JADE1: variants seen among roughly 807,000 people sequenced by gnomAD.
The protein encoded by JADE1 is jade family PHD finger 1.
In JADE1, 14 loss-of-function variants were observed where a neutral mutation model predicts 81.8. The observed-to-expected ratio is 0.17, with a 90% CI of 0.11 to 0.27. The LOEUF (loss-of-function observed/expected upper bound fraction) is 0.27. JADE1 is among the 10% of genes least tolerant of loss of function. The pLI is 1.00. For synonymous variants in JADE1, 353 were observed against 391.9 expected, an observed-to-expected ratio of 0.90 and a Z score of 1.17; for missense variants, 690 against 1,047.9, an observed-to-expected ratio of 0.66 and a Z score of 4.71.
chr4:128,824,290 G>A (rs960815378), intron 1 of JADE1, among the ~76,000 whole-genome samples: 1 of 151,986 alleles, frequency 6.6e-6, no homozygotes, highest in Non-Finnish European at 1.5e-5. Flanking sequence ...TATTAGCTGG[G>A]CGTGTTGGCA....
chr4:128,825,156 T>A (rs1579116563), intron 1 of JADE1, among the ~76,000 whole-genome samples: 1 of 152,080 alleles, frequency 6.6e-6, no homozygotes, highest in Admixed American at 6.6e-5. Flanking sequence ...TCTCCTGCCT[T>A]AGCCTCTCAA....
chr4:128,867,906 T>C lies in JADE1; in HGVS notation c.1554T>C (p.Ser518=), dbSNP rs747339347. 9.3e-6 allele frequency: 15 copies of C among 1,613,894 alleles called. No homozygotes were observed. Among genetic ancestry groups the C allele is most frequent in the Non-Finnish European group, 1.2e-5 (14 of 1,179,906 alleles). Residue 518 remains serine (S), a synonymous_variant, in exon 10 of 11, where the codon TCT becomes TCC. Coordinates refer to ENST00000226319, the MANE Select transcript of JADE1 (RefSeq NM_199320.4). Reference sequence around the variant, plus strand: ...CCCGCAGGGAAAAGATTAAACGGTCTGTGTGCAAAGTCCAGGAACAGATAT... The same window carrying C: ...CCCGCAGGGAAAAGATTAAACGGTCCGTGTGCAAAGTCCAGGAACAGATAT... ...MVTRREKIKR[S]VCKVQEQIFN...
intron 2 of JADE1, among the ~76,000 whole-genome samples, chr4:128,834,888 G>A (rs1728858026): frequency 6.6e-6 from 1 of 151,926 alleles, no homozygotes; most frequent in African/African-American, 2.4e-5. Context: ...GCTCATGACT[G>A]TAATCCTGAC....
Position 128,843,030 on chromosome 4 carries a change from C to G in JADE1, c.130C>G (p.Pro44Ala). Reference protein sequence around the residue: ...SSCSRHEDRKPSEVFRTDLIT... With the variant: ...SSCSRHEDRKASEVFRTDLIT... ...CTGCTCCAGACATGAAGATCGAAAG[C>G]CTTCAGAGGTACTTCTTGAATGCTT... is the stretch of plus-strand genomic sequence containing the variant. Residue 44 changes from proline to alanine, a missense_variant, in exon 3 of 11, where the codon CCT becomes GCT. Physicochemically the swap from Pro to Ala is conservative, Grantham distance 27. Coordinates refer to ENST00000226319, the MANE Select transcript of JADE1 (RefSeq NM_199320.4). The G allele has an allele frequency of 6.2e-7, 1 of 1,613,552 alleles. No homozygotes were observed. Among genetic ancestry groups the G allele is most frequent in the African/African-American group, 1.3e-5 (1 of 75,036 alleles).
intron 8 of JADE1, among the ~76,000 whole-genome samples, chr4:128,858,874 C>G (rs938991777): frequency 6.6e-6 from 1 of 152,152 alleles, no homozygotes; most frequent in Admixed American, 6.5e-5. Flanking sequence ...TCCCAAAATG[C>G]TGGGATTACA....
At chr4:128,857,986 C>T (rs765561793) in intron 8 of JADE1, among the ~76,000 whole-genome samples, 1 of 152,104 alleles carries the variant, frequency 6.6e-6, no homozygotes, top group East Asian at 1.9e-4. Context: ...TCTTTGAACA[C>T]GGCCTGGGTA....
intron 2 of JADE1, among the ~76,000 whole-genome samples, chr4:128,835,554 T>C (rs997035523): frequency 5.9e-5 from 9 of 152,178 alleles, no homozygotes; most frequent in African/African-American, 9.7e-5. Context: ...AAATGAGCCC[T>C]ACCTGGGTTA....
intron 1 of JADE1, among the ~76,000 whole-genome samples, chr4:128,814,947 A>G (rs1302036485): frequency 6.6e-6 from 1 of 151,862 alleles, no homozygotes; most frequent in Non-Finnish European, 1.5e-5. Flanking sequence ...TTCCCCATTT[A>G]GCCCCAGACT....
At chr4:128,824,344 C>T (rs904089971) in intron 1 of JADE1, among the ~76,000 whole-genome samples, 2 of 151,894 alleles carry the variant, frequency 1.3e-5, no homozygotes, top group African/African-American at 2.4e-5. Flanking sequence ...AGCGTGAACC[C>T]GGGAGGCGGA....
intron 3 of JADE1, among the ~76,000 whole-genome samples, chr4:128,843,974 G>A (rs1461309619): frequency 6.6e-6 from 1 of 152,162 alleles, no homozygotes; most frequent in Non-Finnish European, 1.5e-5. Context: ...CATCCCAGGA[G>A]GCACTTTAGC....
chr4:128,868,315 A>G (rs1731933404), intron 10 of JADE1, among the ~76,000 whole-genome samples: 2 of 152,238 alleles, frequency 1.3e-5, no homozygotes, highest in African/African-American at 4.8e-5. Context: ...TATATATTAC[A>G]CAGTACTTGG....
chr4:128,874,009 G>C lies in JADE1; in HGVS notation c.*1747G>C, dbSNP rs546501945. 2 of 152,734 alleles carry C rather than the reference G, an allele frequency of 1.3e-5. 1 individual carries two copies. Among genetic ancestry groups the C allele is most frequent in the South Asian group, 4.1e-4 (2 of 4,830 alleles). The allele number at this position is 152,734 out of a possible 1,614,324, so 9.5% of individuals were successfully genotyped here. ...ACATTTTAGTAGCTAATTCAGGGGAGGGGGAAGAATGATGCAGGTTTTTAG... is the reference window on the plus strand; with the variant it reads ...ACATTTTAGTAGCTAATTCAGGGGACGGGGAAGAATGATGCAGGTTTTTAG... On this transcript the variant is annotated 3_prime_UTR_variant, in exon 11 of 11. Coordinates refer to ENST00000226319, the MANE Select transcript of JADE1 (RefSeq NM_199320.4).
rs1361137627 is a variant in JADE1 at position 128,871,281 on chromosome 4, A to T, written c.1622-74A>T. 2 of 1,385,672 alleles carry T rather than the reference A, an allele frequency of 1.4e-6. No individual in the cohort carries two copies. Among genetic ancestry groups the T allele is most frequent in the Non-Finnish European group, 2.0e-6 (2 of 1,004,942 alleles). 85.8% of individuals were successfully genotyped at this position (1,385,672 alleles called of 1,614,324 possible). A position where few individuals can be genotyped will look rare whatever the true frequency, so the allele number is the denominator to read the frequency against. On this transcript the variant is annotated intron_variant, in intron 10 of 10. Transcript: ENST00000226319. The surrounding 1 kb of genome is among the most constrained non-coding windows in gnomAD (Gnocchi z 4.1). Reference sequence around the variant, plus strand: ...GAGTTCACATCAATTGGGCCACACTAAGGGTGTAGAATTTTATTCTTTTGG... The same window carrying T: ...GAGTTCACATCAATTGGGCCACACTTAGGGTGTAGAATTTTATTCTTTTGG...
intron 3 of JADE1, 32 bp downstream of exon 3, chr4:128,843,070 G>A: frequency 6.4e-7 from 1 of 1,551,960 alleles, no homozygotes; most frequent in Non-Finnish European, 8.9e-7. Context: ...GACCGTGCAT[G>A]AATATATGCT....
Position 128,873,044 on chromosome 4 carries a change from T to G in JADE1, c.*782T>G. 2.6e-6 allele frequency: 1 copy of G among 392,038 alleles called. No individual in the cohort carries two copies. The highest frequency in any genetic ancestry group is 1.8e-5 in the South Asian group (1 of 54,912). 24.3% of individuals were successfully genotyped at this position (392,038 alleles called of 1,614,324 possible). ...AGAATTTTTACCAGTCCACTTGACCTTCTTCTTCCCTAACCACTGGCTCTT... is the reference window on the plus strand; with the variant it reads ...AGAATTTTTACCAGTCCACTTGACCGTCTTCTTCCCTAACCACTGGCTCTT... On this transcript the variant is annotated 3_prime_UTR_variant, in exon 11 of 11. Coordinates refer to ENST00000226319, the MANE Select transcript of JADE1 (RefSeq NM_199320.4).
At chr4:128,848,743 T>G (rs935409225) in intron 4 of JADE1, among the ~76,000 whole-genome samples, 1 of 152,064 alleles carries the variant, frequency 6.6e-6, no homozygotes, top group African/African-American at 2.4e-5. Context: ...CACAGCAGGG[T>G]CCCGGGAAGC....
intron 3 of JADE1, among the ~76,000 whole-genome samples, chr4:128,843,492 T>TCCCTAA: frequency 6.6e-6 from 1 of 152,190 alleles, no homozygotes; most frequent in Non-Finnish European, 1.5e-5. Flanking sequence ...TTTAGGGGAT[T>TCCCTAA]ATGCTGAAGG....
intron 6 of JADE1, among the ~76,000 whole-genome samples, chr4:128,854,397 T>C (rs138626049): frequency 6.6e-6 from 1 of 152,234 alleles, no homozygotes; most frequent in East Asian, 1.9e-4. Flanking sequence ...GAAAAAAATT[T>C]CTTCCTTCAC....
chr4:128,825,554 A>G (rs1727984463), intron 1 of JADE1, among the ~76,000 whole-genome samples: 1 of 152,146 alleles, frequency 6.6e-6, no homozygotes, highest in South Asian at 2.1e-4. Flanking sequence ...GTAAATTTCA[A>G]GGTTTTCAGG....
Sources: allele counts gnomAD v4.1 joint callset (sites outside exome capture counted in the v4.1 genomes callset), GRCh38; gene constraint gnomAD v4.1.1; non-coding constraint Gnocchi (gnomAD v3.1); transcripts MANE v1.5; gene names NCBI Gene and HGNC (gene_info 2026-07-23, HGNC 2026-07-21).